DOK6: variants seen among roughly 807,000 people sequenced by gnomAD.
DOK6 encodes the protein docking protein 6.
Under a neutral mutation model 44.0 loss-of-function variants are expected in DOK6, and 22 were observed. The ratio of observed to expected loss-of-function variants is 0.50; its 90% confidence interval spans 0.36 to 0.71. DOK6 has a LOEUF of 0.71. Among genes scored for constraint, DOK6 ranks in the 30% least tolerant of loss-of-function variants. The probability of loss-of-function intolerance (pLI) is 0.00; values close to 1 mark genes in which losing one functional copy is unlikely to be tolerated. For synonymous variants in DOK6, 166 were observed against 145.5 expected (o/e 1.14, Z -1.01); for missense variants, 340 against 416.4 (o/e 0.82, Z 1.60).
intron 3 of DOK6, among the ~76,000 whole-genome samples, chr18:69,618,127 T>C (rs1984355664): frequency 6.6e-6 from 1 of 152,162 alleles, no homozygotes; most frequent in South Asian, 2.1e-4. Context: ...GAGAGAGGCA[T>C]GGGAAAGATT....
In DOK6 at chr18:69,843,264, G is replaced by A. The variant is rs1009204847; in HGVS notation, c.*1881G>A. ...TTGCTGACACAGCGGAGGAGCAGAT[G>A]ACTGGTTCCTACAACTGTACAGCCT... On this transcript the variant is annotated 3_prime_UTR_variant, in exon 8 of 8. Coordinates refer to ENST00000382713, the MANE Select transcript of DOK6 (RefSeq NM_152721.6). The A allele has an allele frequency of 1.3e-5, 2 of 152,260 alleles. No individual in the cohort carries two copies. Among genetic ancestry groups the A allele is most frequent in the African/African-American group, 4.8e-5 (2 of 41,468 alleles). 9.4% of individuals were successfully genotyped at this position (152,260 alleles called of 1,614,324 possible). A position where few individuals can be genotyped will look rare whatever the true frequency, so the allele number is the denominator to read the frequency against.
chr18:69,466,086 C>T (rs2122481077), intron 1 of DOK6, among the ~76,000 whole-genome samples: 1 of 152,194 alleles, frequency 6.6e-6, no homozygotes, highest in South Asian at 2.1e-4. Flanking sequence ...ACTGTAGTTA[C>T]CATGCTGTAC....
intron 1 of DOK6, among the ~76,000 whole-genome samples, chr18:69,429,308 C>T (rs1051542314): frequency 6.6e-6 from 1 of 151,922 alleles, no homozygotes; most frequent in Non-Finnish European, 1.5e-5. Context: ...ATTTAAGAAT[C>T]TTTATTCTTT....
At chr18:69,679,658 T>C (rs184435519) in intron 4 of DOK6, among the ~76,000 whole-genome samples, 37 of 152,278 alleles carry the variant, frequency 2.4e-4, no homozygotes, top group Admixed American at 1.6e-3. Flanking sequence ...AAAGCAAATA[T>C]GAAAAAGTGA....
intron 4 of DOK6, among the ~76,000 whole-genome samples, chr18:69,679,958 C>T (rs1298342776): frequency 6.6e-6 from 1 of 152,002 alleles, no homozygotes; most frequent in Non-Finnish European, 1.5e-5. Context: ...ACACACACAA[C>T]ACACATACAC....
chr18:69,803,527 A>G (rs769933968), intron 7 of DOK6, among the ~76,000 whole-genome samples: 42 of 152,216 alleles, frequency 2.8e-4, no homozygotes, highest in Non-Finnish European at 5.1e-4. Context: ...AATCTAATGA[A>G]AGAAATTCCA....
At chr18:69,760,150 C>T (rs1281653930) in intron 7 of DOK6, among the ~76,000 whole-genome samples, 2 of 152,136 alleles carry the variant, frequency 1.3e-5, no homozygotes, top group Non-Finnish European at 2.9e-5. Context: ...ATTCTTCCTT[C>T]GTTCGGTTGT....
At chr18:69,631,866 A>G (rs1984698454) in intron 3 of DOK6, among the ~76,000 whole-genome samples, 1 of 152,228 alleles carries the variant, frequency 6.6e-6, no homozygotes, top group African/African-American at 2.4e-5. Flanking sequence ...ACATTTGTTT[A>G]TGTAAGCCTG....
chr18:69,475,760 T>C (rs1980242277), intron 1 of DOK6, among the ~76,000 whole-genome samples: 3 of 152,238 alleles, frequency 2.0e-5, no homozygotes, highest in Admixed American at 6.5e-5. Context: ...CAACTATTCC[T>C]ACTTGCTTTC....
At chr18:69,627,594 G>A (rs534765634) in intron 3 of DOK6, among the ~76,000 whole-genome samples, 159 of 152,090 alleles carry the variant, frequency 1.0e-3, no homozygotes, top group Middle Eastern at 3.4e-3. Context: ...GACTGCAGGC[G>A]CCCGCCACCA....
chr18:69,707,689 A>G (rs1986664874), intron 5 of DOK6, among the ~76,000 whole-genome samples: 1 of 152,172 alleles, frequency 6.6e-6, no homozygotes, highest in African/African-American at 2.4e-5. Flanking sequence ...CACTCACATC[A>G]AAAAATAGAT....
intron 7 of DOK6, among the ~76,000 whole-genome samples, chr18:69,767,455 A>C (rs753308836): frequency 4.9e-4 from 74 of 152,138 alleles, no homozygotes; most frequent in Admixed American, 3.1e-3. Context: ...TGCTCAGTCC[A>C]GGTAGCCTAA....
chr18:69,708,498 G>A (rs1290040842), intron 5 of DOK6, among the ~76,000 whole-genome samples: 5 of 152,096 alleles, frequency 3.3e-5, no homozygotes, highest in Non-Finnish European at 1.5e-5. Context: ...GAAATAATGT[G>A]CTTTGAGGCC....
chr18:69,657,587 A>C (rs550663766), intron 3 of DOK6, among the ~76,000 whole-genome samples: 3 of 152,222 alleles, frequency 2.0e-5, no homozygotes, highest in South Asian at 2.1e-4. Context: ...GCTACCAAAG[A>C]AAGTTGATGT....
rs77930602 is a variant in DOK6 at position 69,763,158 on chromosome 18, G to C, written c.856+5285G>C. ...AAAAGAGTGAAAAAGGGAATAATTA[G>C]CTTCTAACAAGCACATGTTGTACGA... is the stretch of plus-strand genomic sequence containing the variant. On this transcript the variant is annotated intron_variant, in intron 7 of 7. Transcript: ENST00000382713. 1.5e-4 allele frequency among the ~76,000 whole-genome samples: 23 copies of C among 152,260 alleles called. No individual in the cohort carries two copies. In the East Asian group the frequency reaches 4.4e-3, roughly 29 times the overall value.
In DOK6 at chr18:69,547,599, G is replaced by T. The variant is rs1053210179; in HGVS notation, c.67-16888G>T. ...GACAGTTATCCCAACTATATTAATT[G>T]CTATTAACTACAGTCACCCTACTCT... On this transcript the variant is annotated intron_variant, in intron 1 of 7. Transcript: ENST00000382713. Among the ~76,000 whole-genome samples, 9 of 151,274 alleles carry T rather than the reference G, an allele frequency of 5.9e-5. 1 individual carries two copies. The highest frequency in any genetic ancestry group is 1.3e-4 in the Non-Finnish European group (9 of 67,654).
chr18:69,605,076 TTGTGTGTGTGTGTGTGTGTGTGTGTGTG>T (rs71176987), intron 3 of DOK6, among the ~76,000 whole-genome samples: 13 of 125,780 alleles, frequency 1.0e-4, no homozygotes, highest in Non-Finnish European at 1.9e-4. Context: ...AGAGATCCCT[TTGTGTGTGTGTGTGTGTGTGTGTGTGTG>T]TGTGTGTGTG....
chr18:69,406,168 A>C (rs1209111020), intron 1 of DOK6, among the ~76,000 whole-genome samples: 3 of 152,228 alleles, frequency 2.0e-5, no homozygotes, highest in African/African-American at 4.8e-5. Context: ...CCTGCAAATA[A>C]TGCTAGTTCT....
In DOK6 at chr18:69,401,043, G is replaced by A. The variant is rs1026476930; in HGVS notation, c.-202G>A. 69 of 213,846 alleles carry A rather than the reference G, an allele frequency of 3.2e-4. No homozygotes were observed. The highest frequency in any genetic ancestry group is 1.5e-3 in the African/African-American group (62 of 42,526). The allele number at this position is 213,846 out of a possible 1,614,324, so 13.2% of individuals were successfully genotyped here. A position where few individuals can be genotyped will look rare whatever the true frequency, so the allele number is the denominator to read the frequency against. On this transcript the variant is annotated 5_prime_UTR_variant, in exon 1 of 8. Transcript: ENST00000382713. ...ACGCGGAGGGCTGGCGCGGCTCGCG[G>A]CGCCGGGCCCCGTTCCCCGTCCGCG...
Sources: allele counts gnomAD v4.1 joint callset (sites outside exome capture counted in the v4.1 genomes callset), GRCh38; gene constraint gnomAD v4.1.1; transcripts MANE v1.5; gene names NCBI Gene and HGNC (gene_info 2026-07-23, HGNC 2026-07-21).